The following TAFA5 variants were observed in gnomAD, a reference collection of about 807,000 sequenced individuals.
TAFA5 encodes chemokine-like protein TAFA-5.
Under a neutral mutation model 15.3 loss-of-function variants are expected in TAFA5, and 6 were observed. The observed-to-expected ratio is 0.39, with a 90% CI of 0.21 to 0.77. TAFA5 has a LOEUF of 0.77. Among genes scored for constraint, TAFA5 ranks in the 30% least tolerant of loss-of-function variants. The pLI is 0.41. For missense variants in TAFA5, 161 were observed against 193.1 expected, an observed-to-expected ratio of 0.83 and a Z score of 0.98; for synonymous variants, 103 against 80.7, an observed-to-expected ratio of 1.28 and a Z score of -1.48.
chr22:48,502,019 T>C (rs577587645), intron 1 of TAFA5, among the ~76,000 whole-genome samples: 1 of 152,362 alleles, frequency 6.6e-6, no homozygotes, highest in Admixed American at 6.5e-5. Context: ...CGGTGAATAC[T>C]GTCTGTGTGG....
At chr22:48,658,853 G>A (rs915531284) in intron 2 of TAFA5, among the ~76,000 whole-genome samples, 3 of 152,230 alleles carry the variant, frequency 2.0e-5, no homozygotes, top group African/African-American at 7.2e-5. Context: ...TGGAATAAGG[G>A]TTCAGATGGA....
intron 2 of TAFA5, among the ~76,000 whole-genome samples, chr22:48,693,665 G>A (rs1020814872): frequency 2.6e-5 from 4 of 152,108 alleles, no homozygotes; most frequent in East Asian, 1.9e-4. Context: ...TCTCAGTCCC[G>A]CACCACACCG....
chr22:48,568,086 G>C (rs766014895), intron 1 of TAFA5, among the ~76,000 whole-genome samples: 8 of 152,220 alleles, frequency 5.3e-5, no homozygotes, highest in Non-Finnish European at 1.2e-4. Flanking sequence ...AAATAAATGC[G>C]AGTAAAACAG....
At chr22:48,618,588 G>A (rs1008013849) in intron 1 of TAFA5, among the ~76,000 whole-genome samples, 2 of 152,202 alleles carry the variant, frequency 1.3e-5, no homozygotes, top group East Asian at 1.9e-4. Flanking sequence ...TGGAGGCAGC[G>A]TGCACAGTGG....
rs532382568 is a variant in TAFA5 at position 48,700,184 on chromosome 22, A to G, written c.263-7533A>G. On this transcript the variant is annotated intron_variant, in intron 2 of 3. Transcript: ENST00000402357. ...GATCCCGAAACCCTTCTTTCATCGA[A>G]TCAGTCAATGTTCCAGAACAAGTAA... Among the ~76,000 whole-genome samples the G allele has an allele frequency of 2.6e-5, 4 of 152,266 alleles. No individual in the cohort carries two copies. The South Asian group carries it at 8.3e-4, about 32-fold the overall frequency.
chr22:48,619,474 G>C (rs1392808296), intron 1 of TAFA5, among the ~76,000 whole-genome samples: 2 of 152,208 alleles, frequency 1.3e-5, no homozygotes, highest in African/African-American at 4.8e-5. Context: ...TCCTGCCTCA[G>C]CCTCCCGAGT....
chr22:48,739,972 C>G (rs1006805121), intron 3 of TAFA5, among the ~76,000 whole-genome samples: 2 of 152,152 alleles, frequency 1.3e-5, no homozygotes, highest in African/African-American at 2.4e-5. Context: ...TCCAGGACTG[C>G]AGGTCGGCTT....
In TAFA5 at chr22:48,598,026, G is replaced by A. The variant is rs1260089055; in HGVS notation, c.113-48571G>A. Among the ~76,000 whole-genome samples the A allele has an allele frequency of 6.6e-6, 1 of 152,200 alleles. No individual in the cohort carries two copies. Among genetic ancestry groups the A allele is most frequent in the Non-Finnish European group, 1.5e-5 (1 of 68,046 alleles). On this transcript the variant is annotated intron_variant, in intron 1 of 3. Transcript: ENST00000402357. The surrounding 1 kb of genome is among the most constrained non-coding windows in gnomAD (Gnocchi z 4.0). ...CCAATGGGACTTCGAGAGAGCGAGAGGGAGCGAGGTTTCCCTTTTTAAAAA... is the reference window on the plus strand; with the variant it reads ...CCAATGGGACTTCGAGAGAGCGAGAAGGAGCGAGGTTTCCCTTTTTAAAAA...
chr22:48,697,537 A>G (rs1157756102), intron 2 of TAFA5, among the ~76,000 whole-genome samples: 1 of 151,834 alleles, frequency 6.6e-6, no homozygotes, highest in Non-Finnish European at 1.5e-5. Flanking sequence ...GGTGACAACA[A>G]TGATAATCAT....
At chr22:48,635,878 G>A (rs773281559) in intron 1 of TAFA5, among the ~76,000 whole-genome samples, 2 of 152,184 alleles carry the variant, frequency 1.3e-5, no homozygotes, top group Non-Finnish European at 2.9e-5. Context: ...TTTTTTATTT[G>A]TAGTGTCATC....
chr22:48,709,468 T>C (rs1171411404), intron 3 of TAFA5, among the ~76,000 whole-genome samples: 1 of 152,122 alleles, frequency 6.6e-6, no homozygotes, highest in Non-Finnish European at 1.5e-5. Flanking sequence ...AGCAGGTGCA[T>C]TCCATCCACC....
At chr22:48,578,751 G>A (rs1923916131) in intron 1 of TAFA5, among the ~76,000 whole-genome samples, 1 of 152,228 alleles carries the variant, frequency 6.6e-6, no homozygotes, top group South Asian at 2.1e-4. Flanking sequence ...TGTCTGTCTG[G>A]AAGGTCAGGA....
At chr22:48,521,212 T>A (rs1330126276) in intron 1 of TAFA5, among the ~76,000 whole-genome samples, 1 of 152,168 alleles carries the variant, frequency 6.6e-6, no homozygotes, top group Non-Finnish European at 1.5e-5. Context: ...AGGACATTGC[T>A]TTTACAGGCT....
chr22:48,505,926 G>A (rs528335758), intron 1 of TAFA5, among the ~76,000 whole-genome samples: 1 of 152,182 alleles, frequency 6.6e-6, no homozygotes, highest in Non-Finnish European at 1.5e-5. Context: ...GGCACGGCGT[G>A]GTCCAAGGCC....
At chr22:48,638,113 C>T (rs1205456470) in intron 1 of TAFA5, among the ~76,000 whole-genome samples, 1 of 152,116 alleles carries the variant, frequency 6.6e-6, no homozygotes, top group Non-Finnish European at 1.5e-5. Flanking sequence ...AGGGAACACA[C>T]AGGTGTGTCC....
Position 48,489,798 on chromosome 22 carries a change from C to A in TAFA5, c.112+94C>A. Reference sequence around the variant, plus strand: ...AGGCGCCCCGCGGGCCTCCCGGAGTCGGCGCGGAGTTACGAGCGCCGGGCG... The same window carrying A: ...AGGCGCCCCGCGGGCCTCCCGGAGTAGGCGCGGAGTTACGAGCGCCGGGCG... On this transcript the variant is annotated intron_variant, in intron 1 of 3. Transcript: ENST00000402357. The surrounding 1 kb of genome is among the most constrained non-coding windows in gnomAD (Gnocchi z 5.5). The A allele has an allele frequency of 1.4e-6, 1 of 716,638 alleles. No homozygotes were observed. Among genetic ancestry groups the A allele is most frequent in the Non-Finnish European group, 2.0e-6 (1 of 501,680 alleles). 44.4% of individuals were successfully genotyped at this position (716,638 alleles called of 1,614,324 possible). A position where few individuals can be genotyped will look rare whatever the true frequency, so the allele number is the denominator to read the frequency against.
intron 1 of TAFA5, among the ~76,000 whole-genome samples, chr22:48,554,825 C>G (rs929493677): frequency 6.6e-6 from 1 of 152,178 alleles, no homozygotes; most frequent in African/African-American, 2.4e-5. Context: ...TCTCTCTTTC[C>G]CCGAGTGTCA....
chr22:48,737,551 G>A (rs1187070325), intron 3 of TAFA5, among the ~76,000 whole-genome samples: 1 of 152,190 alleles, frequency 6.6e-6, no homozygotes, highest in Non-Finnish European at 1.5e-5. Flanking sequence ...AGAGGGCACC[G>A]CACACTGTGC....
chr22:48,675,842 G>T, intron 2 of TAFA5, among the ~76,000 whole-genome samples: 1 of 152,250 alleles, frequency 6.6e-6, no homozygotes, highest in South Asian at 2.1e-4. Context: ...CAGGAGTGCA[G>T]CCCTGAAGCC....
Sources: allele counts gnomAD v4.1 joint callset (sites outside exome capture counted in the v4.1 genomes callset), GRCh38; gene constraint gnomAD v4.1.1; non-coding constraint Gnocchi (gnomAD v3.1); transcripts MANE v1.5; gene names NCBI Gene and HGNC (gene_info 2026-07-23, HGNC 2026-07-21).